Variants in GRK4 observed in about 807,000 individuals in gnomAD.
GRK4 encodes G protein-coupled receptor kinase 4, also known as G protein-coupled receptor kinase 2-like.
Under a neutral mutation model 77.9 loss-of-function variants are expected in GRK4, and 73 were observed. That is an observed-to-expected ratio of 0.94 (90% CI 0.78 to 1.14). GRK4 has a LOEUF of 1.14. GRK4 is among the 50% of genes most tolerant of loss of function. The pLI, the probability that GRK4 is intolerant of heterozygous loss-of-function variation, is 0.00. For synonymous variants in GRK4, 257 were observed against 254.4 expected (o/e 1.01, Z -0.10); for missense variants, 729 against 700.2 (o/e 1.04, Z -0.46).
chr4:2,995,049 C>T (rs1219827782), intron 4 of GRK4, among the ~76,000 whole-genome samples: 1 of 152,094 alleles, frequency 6.6e-6, no homozygotes, highest in East Asian at 1.9e-4. Context: ...TTTTCTGTTC[C>T]TGTGTTAGTT....
At chr4:3,026,510 G>T (rs1196622257) in intron 10 of GRK4, among the ~76,000 whole-genome samples, 1 of 152,096 alleles carries the variant, frequency 6.6e-6, no homozygotes, top group African/African-American at 2.4e-5. Flanking sequence ...TGGGAGGATC[G>T]CTTGAGCCCA....
At chr4:3,037,579 G>A in intron 14 of GRK4, 68 bp downstream of exon 14, 2 of 1,500,026 alleles carry the variant, frequency 1.3e-6, no homozygotes, top group Non-Finnish European at 1.8e-6. Context: ...GGGTGTGTGT[G>A]TGTCCGTGTG....
At position 3,022,417 on chromosome 4, in the gene GRK4, C is replaced by G; in HGVS notation, c.936C>G (p.Asp312Glu). 6.2e-7 allele frequency: 1 copy of G among 1,613,862 alleles called. No individual in the cohort carries two copies. Residue 312 changes from aspartate to glutamate, a missense_variant, in exon 10 of 16, where the codon GAC becomes GAG. Transcript: ENST00000398052. ...DLQRERIVYR[D>E]LKPENILLDD... Reference sequence around the variant, plus strand: ...CTTTTGTTGTTGTTTCTTGTAGAGACTTGAAGCCTGAGAATATTCTCCTTG... The same window carrying G: ...CTTTTGTTGTTGTTTCTTGTAGAGAGTTGAAGCCTGAGAATATTCTCCTTG...
intron 4 of GRK4, among the ~76,000 whole-genome samples, chr4:2,993,725 C>T (rs1293347476): frequency 6.6e-6 from 1 of 152,078 alleles, no homozygotes; most frequent in African/African-American, 2.4e-5. Context: ...ACATGTAATA[C>T]ATTATGTAAT....
chr4:2,974,145 C>G (rs1720423507), intron 1 of GRK4, among the ~76,000 whole-genome samples: 1 of 152,222 alleles, frequency 6.6e-6, no homozygotes, highest in Admixed American at 6.5e-5. Flanking sequence ...CCACACCCGG[C>G]TCTCATTTAC....
chr4:3,002,003 A>G (rs1222429134), intron 4 of GRK4, among the ~76,000 whole-genome samples: 1 of 152,180 alleles, frequency 6.6e-6, no homozygotes, highest in Non-Finnish European at 1.5e-5. Context: ...GATGAGGGTT[A>G]AGGAGAGCAG....
intron 1 of GRK4, 101 bp downstream of exon 1, chr4:2,964,223 G>A: frequency 1.1e-6 from 1 of 876,850 alleles, no homozygotes; most frequent in Non-Finnish European, 1.6e-6. Flanking sequence ...GGAGAACCCC[G>A]ATTTCCCTGG....
At chr4:3,024,558 G>C (rs1311800399) in intron 10 of GRK4, among the ~76,000 whole-genome samples, 1 of 152,004 alleles carries the variant, frequency 6.6e-6, no homozygotes, top group African/African-American at 2.4e-5. Flanking sequence ...CACCATATCT[G>C]GCTAATTTTA....
intron 1 of GRK4, among the ~76,000 whole-genome samples, chr4:2,975,876 A>G (rs1232353807): frequency 6.6e-6 from 1 of 152,218 alleles, no homozygotes; most frequent in Non-Finnish European, 1.5e-5. Context: ...ACTAGGCCCC[A>G]AAAATCAAAC....
intron 1 of GRK4, chr4:2,965,441 G>C: frequency 1.4e-6 from 1 of 703,044 alleles, no homozygotes; most frequent in Non-Finnish European, 2.6e-6. Flanking sequence ...TTACGGAATT[G>C]CTGATTTCCT....
chr4:2,995,612 C>T (rs1416291268), intron 4 of GRK4, among the ~76,000 whole-genome samples: 1 of 150,078 alleles, frequency 6.7e-6, no homozygotes, highest in African/African-American at 2.5e-5. Flanking sequence ...ACCTGGGAGG[C>T]GGAGGTTGCA....
In GRK4 at chr4:3,024,291, A is replaced by G. The variant is rs891962686; in HGVS notation, c.970+1840A>G. Among the ~76,000 whole-genome samples the G allele has an allele frequency of 1.3e-5, 2 of 151,998 alleles. 1 individual carries two copies. The highest frequency in any genetic ancestry group is 4.2e-4 in the South Asian group (2 of 4,818). On this transcript the variant is annotated intron_variant, in intron 10 of 15. Coordinates refer to ENST00000398052, the MANE Select transcript of GRK4 (RefSeq NM_182982.3). ...TTTAAGGTCAGGGTCTCTCTATGCT[A>G]CCCAGGCTGGGTGCAGTAGCTACTC...
At chr4:3,032,762 G>A (rs750346918) in intron 12 of GRK4, among the ~76,000 whole-genome samples, 1 of 152,190 alleles carries the variant, frequency 6.6e-6, no homozygotes, top group Non-Finnish European at 1.5e-5. Flanking sequence ...AGTAATACAT[G>A]TAAAATGTTT....
intron 13 of GRK4, among the ~76,000 whole-genome samples, chr4:3,036,065 C>T (rs1247456963): frequency 6.6e-6 from 1 of 152,250 alleles, no homozygotes; most frequent in Non-Finnish European, 1.5e-5. Flanking sequence ...AAGTGATCCT[C>T]CTGCCTTGAC....
At chr4:3,039,131 G>A (rs1040038954) in intron 15 of GRK4, among the ~76,000 whole-genome samples, 35 of 151,838 alleles carry the variant, frequency 2.3e-4, no homozygotes, top group African/African-American at 8.0e-4. Context: ...CAGGAGAATC[G>A]CGTGAACCCA....
intron 1 of GRK4, among the ~76,000 whole-genome samples, chr4:2,973,478 G>T (rs1465825082): frequency 1.3e-5 from 2 of 152,094 alleles, no homozygotes; most frequent in South Asian, 2.1e-4. Flanking sequence ...CTGTATGGAA[G>T]CCTCATTGGT....
intron 15 of GRK4, among the ~76,000 whole-genome samples, chr4:3,040,356 G>T (rs1163274091): frequency 6.6e-6 from 1 of 152,148 alleles, no homozygotes; most frequent in East Asian, 1.9e-4. Context: ...AAGGAGAATT[G>T]CTTGAACCTG....
chr4:2,975,510 C>T (rs1208719498), intron 1 of GRK4, among the ~76,000 whole-genome samples: 1 of 152,150 alleles, frequency 6.6e-6, no homozygotes, highest in African/African-American at 2.4e-5. Context: ...GGCCCGTCAG[C>T]AAAAGGGCCC....
At chr4:2,996,914 T>C (rs926868309) in intron 4 of GRK4, among the ~76,000 whole-genome samples, 6 of 152,102 alleles carry the variant, frequency 3.9e-5, no homozygotes, top group Admixed American at 6.5e-5. Flanking sequence ...CTCTTTCTTT[T>C]ACATGCTAAA....
Sources: gnomAD v4.1 joint callset for allele counts (sites outside exome capture counted in the v4.1 genomes callset) on GRCh38, gnomAD v4.1.1 for gene constraint, MANE v1.5 for transcripts, NCBI Gene and HGNC (gene_info 2026-07-23, HGNC 2026-07-21) for gene names.